The following SPAG16 variants were observed in gnomAD, a reference collection of about 807,000 sequenced individuals.
The protein encoded by SPAG16 is sperm-associated antigen 16 protein.
A neutral mutation model predicts 80.4 loss-of-function variants in SPAG16; 86 were observed. That is an observed-to-expected ratio of 1.07 (90% CI 0.90 to 1.28). The LOEUF (loss-of-function observed/expected upper bound fraction) is 1.28, where lower values mean the gene tolerates loss of function less well. Among genes scored for constraint, SPAG16 ranks in the 50% most tolerant of loss-of-function variants. The pLI, the probability that SPAG16 is intolerant of heterozygous loss-of-function variation, is 0.00. For missense variants in SPAG16, 870 were observed against 765.3 expected, an observed-to-expected ratio of 1.14 and a Z score of -1.61; for synonymous variants, 294 against 265.9, an observed-to-expected ratio of 1.11 and a Z score of -1.03.
intron 10 of SPAG16, among the ~76,000 whole-genome samples, chr2:213,858,956 G>T (rs1324295242): frequency 6.6e-6 from 1 of 151,594 alleles, no homozygotes; most frequent in Admixed American, 6.6e-5. Flanking sequence ...CGAGGTGGGC[G>T]GATCATGAGG....
chr2:214,210,334 A>C (rs1413433993), intron 15 of SPAG16, among the ~76,000 whole-genome samples: 2 of 152,152 alleles, frequency 1.3e-5, no homozygotes, highest in Non-Finnish European at 2.9e-5. Context: ...TGACAATCTG[A>C]AAAAAACTTG....
chr2:214,034,736 T>C (rs1056414035), intron 13 of SPAG16, among the ~76,000 whole-genome samples: 4 of 152,192 alleles, frequency 2.6e-5, no homozygotes, highest in Admixed American at 1.3e-4. Flanking sequence ...AGCTTTAAGA[T>C]GCCAGGAACT....
chr2:213,603,252 A>T (rs141328352), intron 10 of SPAG16, among the ~76,000 whole-genome samples: 1 of 151,926 alleles, frequency 6.6e-6, no homozygotes, highest in South Asian at 2.1e-4. Flanking sequence ...TTTCTGTGAA[A>T]CCCTTGTTTA....
rs146324287 is a variant in SPAG16, at chr2:214,147,634, A to G, written c.1594-1506A>G. Among the ~76,000 whole-genome samples, 1,501 of 152,318 alleles carry G rather than the reference A, an allele frequency of 9.9e-3. 13 individuals are homozygous for G. The highest frequency in any genetic ancestry group is 0.024 in the Middle Eastern group (7 of 294). On this transcript the variant is annotated intron_variant, in intron 14 of 15. Transcript: ENST00000331683. ...CTGAGAACTGTTCTTTCCTTTTCTG[A>G]AATGAAATTCACTGATTCCTCACAA...
At chr2:213,296,160 C>T (rs779174174) in intron 2 of SPAG16, 50 bp downstream of exon 2, 6 of 1,272,122 alleles carry the variant, frequency 4.7e-6, no homozygotes, top group Non-Finnish European at 6.8e-6. Context: ...TGCAGTCATT[C>T]TCATGAAATG....
At chr2:213,312,371 A>G (rs774183393) in intron 4 of SPAG16, among the ~76,000 whole-genome samples, 1 of 151,658 alleles carries the variant, frequency 6.6e-6, no homozygotes, top group Non-Finnish European at 1.5e-5. Context: ...AAGAAATTAA[A>G]ATGGAGAAAA....
chr2:213,712,464 C>T (rs1290925434), intron 10 of SPAG16, among the ~76,000 whole-genome samples: 3 of 152,152 alleles, frequency 2.0e-5, no homozygotes, highest in Admixed American at 1.3e-4. Context: ...TACCACTGCA[C>T]TTCAAATTAG....
chr2:213,939,061 A>T (rs1025009872), intron 12 of SPAG16, among the ~76,000 whole-genome samples: 6 of 152,168 alleles, frequency 3.9e-5, no homozygotes, highest in African/African-American at 1.4e-4. Flanking sequence ...TGGTCTCCAC[A>T]CAATCTAGAA....
chr2:214,147,064 A>C (rs1230642523), intron 14 of SPAG16, among the ~76,000 whole-genome samples: 1 of 152,076 alleles, frequency 6.6e-6, no homozygotes, highest in African/African-American at 2.4e-5. Flanking sequence ...ATGGCTTTTA[A>C]GTTTCTAAGG....
At chr2:214,348,309 T>C (rs1231871400) in intron 15 of SPAG16, among the ~76,000 whole-genome samples, 1 of 152,180 alleles carries the variant, frequency 6.6e-6, no homozygotes, top group Non-Finnish European at 1.5e-5. Flanking sequence ...AGGGTGTTTT[T>C]CACATGGAAG....
intron 14 of SPAG16, among the ~76,000 whole-genome samples, chr2:214,145,826 A>G (rs1260746368): frequency 1.3e-5 from 2 of 152,176 alleles, no homozygotes; most frequent in African/African-American, 2.4e-5. Flanking sequence ...GTCAACGTTG[A>G]TTACTCTTCA....
chr2:213,331,116 A>G (rs1162469877), intron 5 of SPAG16, among the ~76,000 whole-genome samples: 1 of 152,088 alleles, frequency 6.6e-6, no homozygotes, highest in Non-Finnish European at 1.5e-5. Context: ...TTTTTCTTTT[A>G]CTTTTCCTTC....
chr2:214,240,523 C>T (rs962924154), intron 15 of SPAG16: 4 of 152,004 alleles, frequency 2.6e-5, no homozygotes, highest in Non-Finnish European at 5.9e-5. Flanking sequence ...TACACAGCCA[C>T]CAAAATAATG....
intron 13 of SPAG16, among the ~76,000 whole-genome samples, chr2:214,098,563 GCCTA>G (rs2052762525): frequency 6.6e-6 from 1 of 152,016 alleles, no homozygotes; most frequent in South Asian, 2.1e-4. Context: ...AGCCAACCCT[GCCTA>G]CACTTTGAGC....
At chr2:213,957,216 A>T (rs926388568) in intron 12 of SPAG16, among the ~76,000 whole-genome samples, 12 of 151,964 alleles carry the variant, frequency 7.9e-5, no homozygotes, top group African/African-American at 2.7e-4. Context: ...GAAATGCAGG[A>T]CACTGAAGTC....
At chr2:213,872,002 G>C (rs963509769) in intron 11 of SPAG16, among the ~76,000 whole-genome samples, 1 of 152,002 alleles carries the variant, frequency 6.6e-6, no homozygotes, top group Non-Finnish European at 1.5e-5. Context: ...TAGAAAACAT[G>C]AAAAGGATCA....
chr2:214,135,715 G>T (rs374984775), intron 14 of SPAG16, among the ~76,000 whole-genome samples: 1 of 139,328 alleles, frequency 7.2e-6, no homozygotes, highest in African/African-American at 2.8e-5. Context: ...CTCTCTCTCT[G>T]TCTCTCTGTC....
chr2:213,310,114 T>A lies in SPAG16; in HGVS notation c.335T>A (p.Phe112Tyr). 1 of 1,612,182 alleles carries A rather than the reference T, an allele frequency of 6.2e-7. No homozygotes were observed. The highest frequency in any genetic ancestry group is 1.1e-5 in the South Asian group (1 of 90,944). The change falls in exon 4 of 16, where the codon TTT (phenylalanine) becomes TAT (tyrosine). Residue 112 changes from phenylalanine to tyrosine, a missense_variant. By Grantham distance (22) the Phe-to-Tyr change is conservative. Transcript: ENST00000331683. ...KHAVPEVIEDFLCNFLIKMGM... is the reference protein window; with the variant it reads ...KHAVPEVIEDYLCNFLIKMGM... ...GCAGTACCTGAAGTAATAGAAGACT[T>A]TCTCTGCAATTTCTTGATCAAAATG...
chr2:213,823,868 G>T (rs1038942566), intron 10 of SPAG16, among the ~76,000 whole-genome samples: 2 of 152,082 alleles, frequency 1.3e-5, no homozygotes, highest in African/African-American at 4.8e-5. Flanking sequence ...TAGGCTGCTT[G>T]TTCACTCTAA....
Sources: gnomAD v4.1 joint callset for allele counts (sites outside exome capture counted in the v4.1 genomes callset) on GRCh38, gnomAD v4.1.1 for gene constraint, MANE v1.5 for transcripts, NCBI Gene and HGNC (gene_info 2026-07-23, HGNC 2026-07-21) for gene names.